GRIK4: variants seen among roughly 807,000 people sequenced by gnomAD.
GRIK4 encodes the protein glutamate ionotropic receptor kainate type subunit 4.
A neutral mutation model predicts 104.9 loss-of-function variants in GRIK4; 40 were observed. That is an observed-to-expected ratio of 0.38 (90% CI 0.30 to 0.50). The LOEUF (loss-of-function observed/expected upper bound fraction) is 0.50. Ranked by LOEUF, GRIK4 falls within the 20% of genes least tolerant of loss-of-function variation. The probability of loss-of-function intolerance (pLI) is 0.93; values close to 1 mark genes in which losing one functional copy is unlikely to be tolerated. For missense variants in GRIK4, 1,047 were observed against 1,308.1 expected, an observed-to-expected ratio of 0.80 and a Z score of 3.08; for synonymous variants, 485 against 524.9, an observed-to-expected ratio of 0.92 and a Z score of 1.04.
intron 14 of GRIK4, among the ~76,000 whole-genome samples, chr11:120,951,011 C>G (rs1167440388): frequency 3.3e-5 from 5 of 152,150 alleles, no homozygotes; most frequent in African/African-American, 4.8e-5. Context: ...CAATTGGTAT[C>G]AAAGGGCAGT....
intron 3 of GRIK4, among the ~76,000 whole-genome samples, chr11:120,725,609 G>A (rs1004332468): frequency 1.3e-5 from 2 of 152,164 alleles, no homozygotes; most frequent in Non-Finnish European, 2.9e-5. Flanking sequence ...CTCATTGCTT[G>A]GATGTGGTCA....
intron 3 of GRIK4, among the ~76,000 whole-genome samples, chr11:120,800,688 A>G (rs1182954052): frequency 6.6e-6 from 1 of 152,228 alleles, no homozygotes; most frequent in Non-Finnish European, 1.5e-5. Flanking sequence ...GAAGTTATGC[A>G]TGTAAATAAA....
At chr11:120,834,207 AG>A (rs1953511058) in intron 7 of GRIK4, among the ~76,000 whole-genome samples, 1 of 152,066 alleles carries the variant, frequency 6.6e-6, no homozygotes, top group South Asian at 2.1e-4. Context: ...AGCAGCATAT[AG>A]GTGTCTTATA....
chr11:120,763,537 G>A (rs1379883142), intron 3 of GRIK4, among the ~76,000 whole-genome samples: 2 of 151,864 alleles, frequency 1.3e-5, no homozygotes, highest in South Asian at 4.2e-4. Flanking sequence ...GTGATGTTAG[G>A]GTGTCAATTT....
At chr11:120,578,857 G>A (rs1282249734) in intron 1 of GRIK4, among the ~76,000 whole-genome samples, 1 of 152,214 alleles carries the variant, frequency 6.6e-6, no homozygotes, top group Non-Finnish European at 1.5e-5. Flanking sequence ...AGACGGAGGT[G>A]GGGAGGGTTG....
chr11:120,725,935 T>C (rs1355088125), intron 3 of GRIK4, among the ~76,000 whole-genome samples: 1 of 152,208 alleles, frequency 6.6e-6, no homozygotes, highest in Non-Finnish European at 1.5e-5. Context: ...AATATTTTTA[T>C]ATACAAATAA....
At chr11:120,723,184 C>G (rs1950964015) in intron 3 of GRIK4, among the ~76,000 whole-genome samples, 1 of 152,182 alleles carries the variant, frequency 6.6e-6, no homozygotes, top group Admixed American at 6.5e-5. Context: ...GAAATTCATT[C>G]TTTAGCAGAT....
rs187434624 is a variant in GRIK4, at chr11:120,928,241, G to A, written c.1477-12106G>A. On this transcript the variant is annotated intron_variant, in intron 13 of 20. Coordinates refer to ENST00000527524, the MANE Select transcript of GRIK4 (RefSeq NM_014619.5). ...AAAAAAAAAAAAAAAGCTAGAAGGC[G>A]ACACGGAGAAAAATGGCATCGTCTG... 1.6e-3 allele frequency among the ~76,000 whole-genome samples: 244 copies of A among 150,536 alleles called. 2 individuals are homozygous for A. The highest frequency in any genetic ancestry group is 5.3e-3 in the African/African-American group (219 of 41,004).
At position 120,815,428 on chromosome 11, in the gene GRIK4, A is replaced by G; in HGVS notation, c.298A>G (p.Ser100Gly). The G allele has an allele frequency of 6.4e-7, 1 of 1,553,100 alleles. No homozygotes were observed. The highest frequency in any genetic ancestry group is 8.7e-7 in the Non-Finnish European group (1 of 1,147,638). Residue 100 changes from serine to glycine, a missense_variant, in exon 5 of 21, where the codon AGC becomes GGC. Around this residue, in one of 3 missense-constraint regions of GRIK4, gnomAD observed 447 missense variants for 514.9 expected, o/e 0.87. Coordinates refer to ENST00000527524, the MANE Select transcript of GRIK4 (RefSeq NM_014619.5). Reference sequence around the variant, plus strand: ...GGTCGCTGTCCTCGGACCATCGTCCAGCCCAGCCTCCAGCTCCATCATCAG... The same window carrying G: ...GGTCGCTGTCCTCGGACCATCGTCCGGCCCAGCCTCCAGCTCCATCATCAG... Reference protein sequence around the residue: ...GVVAVLGPSSSPASSSIISNI... With the variant: ...GVVAVLGPSSGPASSSIISNI...
intron 4 of GRIK4, among the ~76,000 whole-genome samples, chr11:120,814,498 G>A (rs942013147): frequency 2.6e-5 from 4 of 152,190 alleles, no homozygotes; most frequent in Non-Finnish European, 5.9e-5. Flanking sequence ...TACTCCTGAG[G>A]CAGGAGAATT....
chr11:120,811,592 T>C (rs1441292460), intron 4 of GRIK4, among the ~76,000 whole-genome samples: 1 of 152,226 alleles, frequency 6.6e-6, no homozygotes, highest in Non-Finnish European at 1.5e-5. Flanking sequence ...ACTCAGTACA[T>C]GTAGTCTTTA....
At chr11:120,829,438 G>T (rs6589846) in intron 6 of GRIK4, among the ~76,000 whole-genome samples, 98,827 of 151,978 alleles carry the variant, frequency 0.65, 32,933 homozygotes, top group African/African-American at 0.8. Context: ...AACTTCATCA[G>T]CAACTTAGCT....
chr11:120,917,278 A>G, intron 13 of GRIK4, among the ~76,000 whole-genome samples: 1 of 144,836 alleles, frequency 6.9e-6, no homozygotes. Flanking sequence ...AAAAAGAAAG[A>G]AAGAAAGAAA....
At chr11:120,784,607 G>T (rs780519059) in intron 3 of GRIK4, among the ~76,000 whole-genome samples, 1 of 152,118 alleles carries the variant, frequency 6.6e-6, no homozygotes, top group Non-Finnish European at 1.5e-5. Flanking sequence ...TGGTCCTATG[G>T]CTTAGGGTCA....
At chr11:120,695,386 C>A (rs956040177) in intron 3 of GRIK4, among the ~76,000 whole-genome samples, 1 of 152,226 alleles carries the variant, frequency 6.6e-6, no homozygotes, top group African/African-American at 2.4e-5. Context: ...GAAGGGCCTT[C>A]TGTGGCTCGC....
chr11:120,641,441 A>T (rs1439165510), intron 1 of GRIK4, among the ~76,000 whole-genome samples: 2 of 151,494 alleles, frequency 1.3e-5, no homozygotes, highest in African/African-American at 4.8e-5. Flanking sequence ...CACATGGCTG[A>T]GTATATTTAT....
chr11:120,867,278 G>A (rs558112908), intron 9 of GRIK4, among the ~76,000 whole-genome samples: 3 of 152,254 alleles, frequency 2.0e-5, no homozygotes, highest in Admixed American at 6.5e-5. Context: ...CTCTTTGGGG[G>A]CTGAGAAATT....
chr11:120,727,412 A>T (rs1951049576), intron 3 of GRIK4, among the ~76,000 whole-genome samples: 1 of 152,242 alleles, frequency 6.6e-6, no homozygotes, highest in South Asian at 2.1e-4. Context: ...TAAACGCTAT[A>T]TAAAACAACA....
At chr11:120,775,873 G>T (rs886509604) in intron 3 of GRIK4, among the ~76,000 whole-genome samples, 1 of 152,236 alleles carries the variant, frequency 6.6e-6, no homozygotes, top group African/African-American at 2.4e-5. Context: ...CTACCTCTTG[G>T]GGTATTTGTG....
Sources: allele counts gnomAD v4.1 joint callset (sites outside exome capture counted in the v4.1 genomes callset), GRCh38; gene constraint gnomAD v4.1.1; regional missense constraint gnomAD v4.1.1; transcripts MANE v1.5; gene names NCBI Gene and HGNC (gene_info 2026-07-23, HGNC 2026-07-21).